Variants in MNAT1 observed in about 807,000 individuals in gnomAD.
The protein encoded by MNAT1 is CDK-activating kinase assembly factor MAT1.
A neutral mutation model predicts 42.0 loss-of-function variants in MNAT1; 43 were observed. The ratio of observed to expected loss-of-function variants is 1.02; its 90% confidence interval spans 0.80 to 1.32. The LOEUF (loss-of-function observed/expected upper bound fraction) is 1.32, where lower values mean the gene tolerates loss of function less well. Ranked by LOEUF, MNAT1 falls within the 40% of genes most tolerant of loss-of-function variation. The pLI, the probability that MNAT1 is intolerant of heterozygous loss-of-function variation, is 0.00. For missense variants in MNAT1, 306 were observed against 350.4 expected, an observed-to-expected ratio of 0.87 and a Z score of 1.01; for synonymous variants, 118 against 120.0, an observed-to-expected ratio of 0.98 and a Z score of 0.11.
chr14:60,828,045 T>G (rs1376281623), intron 6 of MNAT1, among the ~76,000 whole-genome samples: 1 of 152,164 alleles, frequency 6.6e-6, no homozygotes, highest in Non-Finnish European at 1.5e-5. Context: ...AAAATTTTTA[T>G]GAAATGAATA....
At chr14:60,787,392 A>T (rs2351277) in intron 1 of MNAT1, among the ~76,000 whole-genome samples, 6 of 152,198 alleles carry the variant, frequency 3.9e-5, no homozygotes, top group Admixed American at 2.0e-4. Flanking sequence ...CAATCATCTG[A>T]GCCTTCGAAA....
intron 6 of MNAT1, among the ~76,000 whole-genome samples, chr14:60,863,231 A>G (rs1436484260): frequency 6.6e-6 from 1 of 152,174 alleles, no homozygotes; most frequent in Non-Finnish European, 1.5e-5. Context: ...TGAGTTTCAT[A>G]TAAAGAATAC....
chr14:60,871,358 C>T (rs1241861439), intron 6 of MNAT1, among the ~76,000 whole-genome samples: 3 of 152,184 alleles, frequency 2.0e-5, no homozygotes, highest in Non-Finnish European at 2.9e-5. Context: ...TTAAGAAAAA[C>T]TACTGAACTA....
In MNAT1 at chr14:60,880,249, A is replaced by G. The variant is rs533563066; in HGVS notation, c.809+414A>G. On this transcript the variant is annotated intron_variant, in intron 7 of 7. Transcript: ENST00000261245. ...TACAGTGAAACTACATTTATGAGCC[A>G]TGAGCCATGAAATATATTTTGTTGA... Among the ~76,000 whole-genome samples the G allele has an allele frequency of 2.6e-4, 39 of 152,306 alleles. No homozygotes were observed. The South Asian group carries it at 8.1e-3, about 32-fold the overall frequency.
intron 1 of MNAT1, among the ~76,000 whole-genome samples, chr14:60,775,106 G>T (rs1186844546): frequency 6.6e-6 from 1 of 152,136 alleles, no homozygotes; most frequent in Non-Finnish European, 1.5e-5. Context: ...CTTTTAGGTG[G>T]TTTACAGAGG....
At chr14:60,885,049 C>G (rs1412660271) in intron 7 of MNAT1, among the ~76,000 whole-genome samples, 1 of 151,844 alleles carries the variant, frequency 6.6e-6, no homozygotes. Flanking sequence ...AGTTCGCTGC[C>G]AGACATATTG....
chr14:60,767,517 A>G (rs1350953702), intron 1 of MNAT1, among the ~76,000 whole-genome samples: 3 of 152,190 alleles, frequency 2.0e-5, no homozygotes, highest in Non-Finnish European at 4.4e-5. Flanking sequence ...AGTGGTAATT[A>G]TATCTGTGAG....
At chr14:60,793,589 T>C (rs192352862) in intron 1 of MNAT1, among the ~76,000 whole-genome samples, 3 of 152,158 alleles carry the variant, frequency 2.0e-5, no homozygotes, top group African/African-American at 7.2e-5. Flanking sequence ...TCTAGGCTGG[T>C]CTTATATTCT....
Position 60,769,650 on chromosome 14 carries a change from TA to T in MNAT1, c.90-26557del, listed in dbSNP as rs200645295. ...TTACCATTTTAACTGCTTTAAAAAT[TA>T]AAAAAAAAATTTGTTTTTTTTAGAG... On this transcript the variant is annotated intron_variant, in intron 1 of 7. Coordinates refer to ENST00000261245, the MANE Select transcript of MNAT1 (RefSeq NM_002431.4). Among the ~76,000 whole-genome samples, 26 of 150,356 alleles carry T rather than the reference TA, an allele frequency of 1.7e-4. No homozygotes were observed. The East Asian group carries it at 3.1e-3, about 18-fold the overall frequency.
intron 7 of MNAT1, among the ~76,000 whole-genome samples, chr14:60,888,207 T>C (rs75249458): frequency 0.94 from 130,635 of 138,476 alleles, 61,985 homozygotes; most frequent in Non-Finnish European, 0.99. Context: ...CAATAAAATA[T>C]TGGCAAACCG....
At chr14:60,767,009 T>C (rs1206738916) in intron 1 of MNAT1, among the ~76,000 whole-genome samples, 3 of 152,230 alleles carry the variant, frequency 2.0e-5, no homozygotes, top group Non-Finnish European at 2.9e-5. Context: ...TGTTTGTAAG[T>C]AAATCAAGTT....
intron 3 of MNAT1, 53 bp from the exon 4 acceptor site, chr14:60,808,272 T>C: frequency 1.7e-6 from 2 of 1,148,070 alleles, no homozygotes; most frequent in Non-Finnish European, 2.5e-6. Flanking sequence ...TATTGTCTAC[T>C]CAAGATTTAT....
At chr14:60,959,502 A>C (rs1455556643) in intron 7 of MNAT1, among the ~76,000 whole-genome samples, 2 of 139,000 alleles carry the variant, frequency 1.4e-5, no homozygotes, top group Non-Finnish European at 3.1e-5. Flanking sequence ...CTGCTCTTTC[A>C]TCCTGCTCTC....
At position 60,826,893 on chromosome 14, in the gene MNAT1, G is replaced by T. The variant is rs573433766; in HGVS notation, c.687+8046G>T. 7.4e-5 allele frequency among the ~76,000 whole-genome samples: 11 copies of T among 149,538 alleles called. No individual in the cohort carries two copies. The South Asian group carries it at 2.1e-3, about 29-fold the overall frequency. On this transcript the variant is annotated intron_variant, in intron 6 of 7. Transcript: ENST00000261245. ...AGACCTCAAAGTTTTTTTTTTCCCT[G>T]ATTCATTACTAGATAATTTGTGTCA...
At chr14:60,917,519 C>T in intron 7 of MNAT1, among the ~76,000 whole-genome samples, 1 of 152,128 alleles carries the variant, frequency 6.6e-6, no homozygotes, top group East Asian at 1.9e-4. Flanking sequence ...CAACTAACCA[C>T]TCATCAGTGG....
chr14:60,958,513 A>G (rs1335124281), intron 7 of MNAT1, among the ~76,000 whole-genome samples: 1 of 150,086 alleles, frequency 6.7e-6, no homozygotes, highest in Non-Finnish European at 1.5e-5. Flanking sequence ...GTTGAATCTG[A>G]TTTTACATCT....
chr14:60,823,501 A>G (rs934174164), intron 6 of MNAT1, among the ~76,000 whole-genome samples: 2 of 152,178 alleles, frequency 1.3e-5, no homozygotes, highest in African/African-American at 2.4e-5. Flanking sequence ...TCTGAGTGGT[A>G]TTTAAGACTT....
At chr14:60,944,385 A>G (rs1347069989) in intron 7 of MNAT1, among the ~76,000 whole-genome samples, 2 of 152,222 alleles carry the variant, frequency 1.3e-5, no homozygotes, top group Non-Finnish European at 2.9e-5. Context: ...TTATAAGAAC[A>G]GCTACCAGAG....
At chr14:60,746,702 G>C (rs527492050) in intron 1 of MNAT1, among the ~76,000 whole-genome samples, 3 of 149,560 alleles carry the variant, frequency 2.0e-5, no homozygotes, top group Non-Finnish European at 4.4e-5. Flanking sequence ...TATATTTTTT[G>C]CTTGATCAAA....
Sources: gnomAD v4.1 joint callset for allele counts (sites outside exome capture counted in the v4.1 genomes callset) on GRCh38, gnomAD v4.1.1 for gene constraint, MANE v1.5 for transcripts, NCBI Gene and HGNC (gene_info 2026-07-23, HGNC 2026-07-21) for gene names.